TEX22: variants seen among roughly 807,000 people sequenced by gnomAD.
TEX22 encodes the protein testis-expressed protein 22.
Under a neutral mutation model 11.3 loss-of-function variants are expected in TEX22, and 16 were observed. That is an observed-to-expected ratio of 1.42 (90% confidence interval 0.96 to 2.15). The LOEUF (loss-of-function observed/expected upper bound fraction) is 2.15, where lower values mean the gene tolerates loss of function less well. Ranked by LOEUF, TEX22 falls within the 30% of genes most tolerant of loss-of-function variation. The pLI, the probability that TEX22 is intolerant of heterozygous loss-of-function variation, is 0.00. For missense variants in TEX22, 220 were observed against 208.6 expected, an observed-to-expected ratio of 1.05 and a Z score of -0.34; for synonymous variants, 97 against 92.3, an observed-to-expected ratio of 1.05 and a Z score of -0.29.
intron 2 of TEX22, 43 bp downstream of exon 2, chr14:105,399,533 C>A: frequency 6.7e-7 from 1 of 1,487,124 alleles, no homozygotes. Flanking sequence ...CTCCTGTCCC[C>A]AGCCCGCCTG....
chr14:105,399,370 G>A lies in TEX22; in HGVS notation c.30G>A (p.Gly10=), dbSNP rs782048787. 1.2e-5 allele frequency: 18 copies of A among 1,535,658 alleles called. No homozygotes were observed. The highest frequency in any genetic ancestry group is 1.7e-4 in the Middle Eastern group (1 of 6,006). Residue 10 remains glycine (G), a synonymous_variant, in exon 2 of 4, where the codon GGG becomes GGA. Coordinates refer to ENST00000451127, the MANE Select transcript of TEX22 (RefSeq NM_001195082.2). MDSRKLSPR[G]KKLESHLSQE... ...ACAGCAGGAAACTGTCCCCCCGGGG[G>A]AAGAAGCTGGAGTCGCACCTCTCCC...
Position 105,412,188 on chromosome 14 carries a change from G to A in TEX22, c.*355G>A, listed in dbSNP as rs1555419485. On this transcript the variant is annotated 3_prime_UTR_variant, in exon 4 of 4. Transcript: ENST00000451127. This position sits in a 1 kb window ranked among gnomAD's most constrained non-coding sequence, Gnocchi z 5.8. The stretch of plus-strand genomic sequence containing the variant: ...GTCCTGGGAAGCCCCAGTGGCAGGC[G>A]CTGCCTGGAGACTCAGCTCCTTGGC... 2 of 201,028 alleles carry A rather than the reference G, an allele frequency of 9.9e-6. No homozygotes were observed. The highest frequency in any genetic ancestry group is 2.3e-5 in the African/African-American group (1 of 43,324). The allele number at this position is 201,028 out of a possible 1,614,324, so 12.5% of individuals were successfully genotyped here.
At chr14:105,398,805 C>A (rs1011655374) in intron 1 of TEX22, among the ~76,000 whole-genome samples, 170 bp downstream of exon 1, 4 of 152,218 alleles carry the variant, frequency 2.6e-5, no homozygotes, top group Admixed American at 6.5e-5. Flanking sequence ...ACCCCGCCTC[C>A]CCACCGGAGA....
intron 2 of TEX22, among the ~76,000 whole-genome samples, chr14:105,402,232 T>C (rs782248367): frequency 1.7e-4 from 26 of 151,946 alleles, no homozygotes; most frequent in Non-Finnish European, 3.4e-4. Context: ...TTATAGTAAA[T>C]CAAGAAAATG....
chr14:105,400,810 T>A (rs587715309), intron 2 of TEX22, among the ~76,000 whole-genome samples: 25 of 152,046 alleles, frequency 1.6e-4, no homozygotes, highest in African/African-American at 5.8e-4. Context: ...ACGGGCAGGT[T>A]TTTAGTTTGG....
intron 2 of TEX22, among the ~76,000 whole-genome samples, chr14:105,400,825 AG>A (rs1304685547): frequency 2.0e-5 from 3 of 152,208 alleles, no homozygotes; most frequent in Admixed American, 6.5e-5. Context: ...GTTTGGGGAC[AG>A]GGAATCTTCC....
chr14:105,408,057 G>A (rs1451054161), intron 2 of TEX22, among the ~76,000 whole-genome samples: 2 of 152,098 alleles, frequency 1.3e-5, no homozygotes, highest in African/African-American at 4.8e-5. Flanking sequence ...ATGTTCTCCT[G>A]TGTCTGTTGG....
At position 105,399,386 on chromosome 14, in the gene TEX22, C is replaced by G; in HGVS notation, c.46C>G (p.His16Asp). ...LSPRGKKLES[H>D]LSQEHRRPPL... ...CCCCCGGGGGAAGAAGCTGGAGTCG[C>G]ACCTCTCCCAAGAGCACAGGCGGCC... Residue 16 changes from histidine (H) to aspartate (D), a missense_variant, in exon 2 of 4, where the codon CAC becomes GAC. Physicochemically the swap from His to Asp is moderately conservative, Grantham distance 81 (BLOSUM62 -1). Coordinates refer to ENST00000451127, the MANE Select transcript of TEX22 (RefSeq NM_001195082.2). 6.5e-7 allele frequency: 1 copy of G among 1,535,814 alleles called. No homozygotes were observed. The highest frequency in any genetic ancestry group is 8.7e-7 in the Non-Finnish European group (1 of 1,146,804).
At chr14:105,407,070 T>C (rs1595221242) in intron 2 of TEX22, among the ~76,000 whole-genome samples, 1 of 92 alleles carries the variant, frequency 0.011, no homozygotes, top group African/African-American at 0.016. Context: ...AATTTCTTAA[T>C]TTTTTTTTTT....
At chr14:105,399,111 TGGA>T (rs1555418058) in intron 1 of TEX22, among the ~76,000 whole-genome samples, 188 bp from the exon 2 acceptor site, 2 of 152,108 alleles carry the variant, frequency 1.3e-5, no homozygotes, top group African/African-American at 4.8e-5. Flanking sequence ...GAGGCTGGTG[TGGA>T]GAAGAGCTGC....
At chr14:105,404,650 C>CAGT (rs2081649821) in intron 2 of TEX22, among the ~76,000 whole-genome samples, 2 of 152,308 alleles carry the variant, frequency 1.3e-5, no homozygotes, top group South Asian at 4.1e-4. Flanking sequence ...CACAGTAGAG[C>CAGT]AGTAGCATGC....
intron 2 of TEX22, among the ~76,000 whole-genome samples, chr14:105,400,084 C>G (rs1555418211): frequency 6.6e-6 from 1 of 152,182 alleles, no homozygotes; most frequent in African/African-American, 2.4e-5. Flanking sequence ...AGCCAGAACC[C>G]CACTCGTGTG....
intron 2 of TEX22, among the ~76,000 whole-genome samples, chr14:105,402,649 G>T (rs587729742): frequency 6.6e-6 from 1 of 151,888 alleles, no homozygotes; most frequent in East Asian, 1.9e-4. Context: ...CCAGCTACTC[G>T]GGAGGCTGAG....
chr14:105,402,961 G>C (rs1396479882), intron 2 of TEX22, among the ~76,000 whole-genome samples: 2 of 152,046 alleles, frequency 1.3e-5, no homozygotes, highest in African/African-American at 4.8e-5. Flanking sequence ...ACTGGAAAAG[G>C]GATCTCCATC....
intron 2 of TEX22, among the ~76,000 whole-genome samples, chr14:105,405,455 A>ACT (rs1555418807): frequency 1.3e-5 from 2 of 152,262 alleles, no homozygotes; most frequent in Non-Finnish European, 2.9e-5. Context: ...CAGTTAAAAG[A>ACT]CAGACATTGT....
chr14:105,411,521 G>GGGGGCCCCCCCCCCC, intron 3 of TEX22, 25 bp downstream of exon 3: 10 of 458,518 alleles, frequency 2.2e-5, no homozygotes, highest in Non-Finnish European at 2.2e-5. Context: ...GGTCCTCCCC[G>GGGGGCCCCCCCCCCC]CCCCGTCCCC....
At position 105,399,576 on chromosome 14, in the gene TEX22, G is replaced by C. The variant is rs587693397; in HGVS notation, c.150+86G>C. On this transcript the variant is annotated intron_variant, in intron 2 of 3. Transcript: ENST00000451127. ...TGTCTCTGAAAACTCCAGGCTGGTCGTGATGAGCAGCCTCAGGGGAGGGCT... is the reference window on the plus strand; with the variant it reads ...TGTCTCTGAAAACTCCAGGCTGGTCCTGATGAGCAGCCTCAGGGGAGGGCT... The C allele has an allele frequency of 1.1e-5, 15 of 1,400,038 alleles. 1 individual carries two copies. The highest frequency in any genetic ancestry group is 7.5e-5 in the East Asian group (3 of 39,856). 86.7% of individuals were successfully genotyped at this position (1,400,038 alleles called of 1,614,324 possible). A position where few individuals can be genotyped will look rare whatever the true frequency, so the allele number is the denominator to read the frequency against.
Position 105,411,827 on chromosome 14 carries a change from T to G in TEX22, c.447T>G (p.Pro149=). ...CTTTCGAGGCCTCGAGGTCACCCCCTTCCTAAGAGCCCCATTCAGCCCATT... is the reference window on the plus strand; with the variant it reads ...CTTTCGAGGCCTCGAGGTCACCCCCGTCCTAAGAGCCCCATTCAGCCCATT... ...NATFEASRSP[P]S is the part of the protein sequence containing the mutation. The change falls in exon 4 of 4, where the codon CCT becomes CCG. Residue 149 remains proline, a synonymous_variant. Coordinates refer to ENST00000451127, the MANE Select transcript of TEX22 (RefSeq NM_001195082.2). 7.0e-7 allele frequency: 1 copy of G among 1,420,814 alleles called. No individual in the cohort carries two copies. Among genetic ancestry groups the G allele is most frequent in the African/African-American group, 1.5e-5 (1 of 67,542 alleles). The allele number at this position is 1,420,814 out of a possible 1,614,324, so 88.0% of individuals were successfully genotyped here. A position where few individuals can be genotyped will look rare whatever the true frequency, so the allele number is the denominator to read the frequency against.
rs1298162667 is a variant in TEX22, at chr14:105,412,958, C to G, written c.*1125C>G. The G allele has an allele frequency of 1.3e-5, 2 of 153,028 alleles. No homozygotes were observed. Among genetic ancestry groups the G allele is most frequent in the African/African-American group, 4.8e-5 (2 of 41,460 alleles). The allele number at this position is 153,028 out of a possible 1,614,324, so 9.5% of individuals were successfully genotyped here. ...GCCACCTGACTGCACTGCCAGCCACCTGCTGCCCTGACACAGGATCCCTGG... is the reference window on the plus strand; with the variant it reads ...GCCACCTGACTGCACTGCCAGCCACGTGCTGCCCTGACACAGGATCCCTGG... On this transcript the variant is annotated 3_prime_UTR_variant, in exon 4 of 4. Coordinates refer to ENST00000451127, the MANE Select transcript of TEX22 (RefSeq NM_001195082.2). This position sits in a 1 kb window ranked among gnomAD's most constrained non-coding sequence, Gnocchi z 5.8.
Sources: gnomAD v4.1 joint callset for allele counts (sites outside exome capture counted in the v4.1 genomes callset) on GRCh38, gnomAD v4.1.1 for gene constraint, Gnocchi (gnomAD v3.1) non-coding constraint, MANE v1.5 for transcripts, NCBI Gene and HGNC (gene_info 2026-07-23, HGNC 2026-07-21) for gene names.